The following ARHGEF3 variants were observed in gnomAD, a reference collection of about 807,000 sequenced individuals.
ARHGEF3 encodes 59.8 kDA protein.
Under a neutral mutation model 63.2 loss-of-function variants are expected in ARHGEF3, and 28 were observed. The ratio of observed to expected loss-of-function variants is 0.44; its 90% confidence interval spans 0.33 to 0.61. The LOEUF (loss-of-function observed/expected upper bound fraction) is 0.61. ARHGEF3 is among the 20% of genes least tolerant of loss of function. The pLI is 0.03. For missense variants in ARHGEF3, 533 were observed against 659.3 expected, an observed-to-expected ratio of 0.81 and a Z score of 2.10; for synonymous variants, 266 against 254.2, an observed-to-expected ratio of 1.05 and a Z score of -0.44.
At chr3:56,803,855 T>G (rs932331162), upstream of ARHGEF3, among the ~76,000 whole-genome samples, 1 of 151,668 alleles carries the variant, frequency 6.6e-6, no homozygotes, top group African/African-American at 2.4e-5. Context: ...AAATTATAGT[T>G]TTTTAAAATA....
chr3:56,801,732 G>A lies in ARHGEF3; in HGVS notation c.67C>T (p.Pro23Ser), dbSNP rs538294080. The A allele has an allele frequency of 3.2e-6, 5 of 1,567,028 alleles. No individual in the cohort carries two copies. The highest frequency in any genetic ancestry group is 4.3e-6 in the Non-Finnish European group (5 of 1,154,662). ...GCGTCCTTGGCCGGACCGCTGGCCG[G>A]GGGTAGCTCCAGGCTGCAGTTCGCT... The part of the protein sequence containing the change: ...KRANCSLELP[P>S]ASGPAKDAEE... The change falls in exon 1 of 10, where the codon CCG becomes TCG. Residue 23 changes from proline to serine, a missense_variant. By Grantham distance (74) the Pro-to-Ser change is moderately conservative. Transcript: ENST00000296315.
intron 2 of ARHGEF3, among the ~76,000 whole-genome samples, chr3:57,017,032 TCACACA>T (rs1553806980): frequency 4.8e-4 from 50 of 104,390 alleles, no homozygotes; most frequent in East Asian, 2.5e-3. Flanking sequence ...TCTCTCTCTC[TCACACA>T]CACACACACA....
intron 3 of ARHGEF3, among the ~76,000 whole-genome samples, chr3:56,909,699 C>T (rs1470972206): frequency 2.0e-5 from 3 of 152,178 alleles, no homozygotes; most frequent in African/African-American, 4.8e-5. Flanking sequence ...TTGGGATAGG[C>T]GTTCTCATCA....
intron 2 of ARHGEF3, among the ~76,000 whole-genome samples, chr3:57,019,982 TC>T (rs951303785): frequency 1.3e-5 from 2 of 152,268 alleles, no homozygotes; most frequent in Admixed American, 1.3e-4. Context: ...CACTGCAAAC[TC>T]CACCTCCCAG....
chr3:57,030,963 C>T (rs147905128), intron 2 of ARHGEF3, among the ~76,000 whole-genome samples: 215 of 152,332 alleles, frequency 1.4e-3, no homozygotes, highest in African/African-American at 4.6e-3. Flanking sequence ...AACGGAAGCA[C>T]GGCCTGTGGG....
intron 2 of ARHGEF3, among the ~76,000 whole-genome samples, chr3:57,009,402 ATGG>A (rs1462922115): frequency 6.6e-6 from 1 of 152,138 alleles, no homozygotes; most frequent in Non-Finnish European, 1.5e-5. Flanking sequence ...TCTGACCTCT[ATGG>A]GCTGTCTCGC....
At chr3:56,887,037 C>T (rs1466672703) in intron 3 of ARHGEF3, among the ~76,000 whole-genome samples, 1 of 152,194 alleles carries the variant, frequency 6.6e-6, no homozygotes. Flanking sequence ...GACTGGTCTT[C>T]AAGACCACAG....
upstream of ARHGEF3, among the ~76,000 whole-genome samples, chr3:56,806,931 A>G (rs2037882384): frequency 6.6e-6 from 1 of 151,010 alleles, no homozygotes; most frequent in Non-Finnish European, 1.5e-5. Context: ...GTTGCCTAGG[A>G]TGGAGTACAG....
At chr3:56,848,874 G>A (rs1425046162) in intron 4 of ARHGEF3, among the ~76,000 whole-genome samples, 2 of 152,086 alleles carry the variant, frequency 1.3e-5, no homozygotes, top group Non-Finnish European at 2.9e-5. Context: ...TCACCATGTT[G>A]GCCAGGCTCG....
chr3:56,904,211 T>C lies in ARHGEF3; in HGVS notation c.130-21857A>G, dbSNP rs537199987. On this transcript the variant is annotated intron_variant, in intron 3 of 12. Coordinates refer to the ARHGEF3 transcript ENST00000338458. ...TGCCCAGCTAACTTTTGTATTTTCT[T>C]TGGTAGAGATGAGATTTGCCAGGTG... is the stretch of plus-strand genomic sequence containing the variant. Among the ~76,000 whole-genome samples the C allele has an allele frequency of 1.4e-3, 211 of 151,898 alleles. 1 individual carries two copies. The highest frequency in any genetic ancestry group is 2.8e-3 in the Admixed American group (43 of 15,268).
intron 1 of ARHGEF3, among the ~76,000 whole-genome samples, chr3:56,780,360 C>G (rs1235076309): frequency 1.3e-5 from 2 of 152,164 alleles, no homozygotes; most frequent in Non-Finnish European, 2.9e-5. Context: ...TTGAAATAAT[C>G]TTAGATTTAC....
intron 4 of ARHGEF3, among the ~76,000 whole-genome samples, chr3:56,809,074 G>A (rs1315654038): frequency 6.6e-6 from 1 of 152,290 alleles, no homozygotes; most frequent in African/African-American, 2.4e-5. Flanking sequence ...GCTTAGGCTT[G>A]GTGGGGCAAA....
At chr3:56,962,845 G>A (rs1700339652) in intron 2 of ARHGEF3, among the ~76,000 whole-genome samples, 1 of 152,132 alleles carries the variant, frequency 6.6e-6, no homozygotes, top group South Asian at 2.1e-4. Flanking sequence ...AACAGAATAA[G>A]GTCAGCAGCA....
intron 1 of ARHGEF3, among the ~76,000 whole-genome samples, chr3:56,777,383 T>G (rs139759004): frequency 1.7e-3 from 260 of 152,342 alleles, no homozygotes; most frequent in African/African-American, 5.9e-3. Context: ...GAAACTGATT[T>G]GACAATTTAA....
intron 2 of ARHGEF3, among the ~76,000 whole-genome samples, chr3:56,770,511 A>G (rs1450602578): frequency 6.6e-6 from 1 of 152,192 alleles, no homozygotes; most frequent in Non-Finnish European, 1.5e-5. Context: ...GGTGAGGGAA[A>G]CTATTATTGA....
chr3:56,835,512 A>G (rs796598713), intron 4 of ARHGEF3, among the ~76,000 whole-genome samples: 52 of 152,280 alleles, frequency 3.4e-4, no homozygotes, highest in African/African-American at 1.2e-3. Context: ...GTACACCCCT[A>G]TTTCACGCAT....
chr3:56,810,213 G>C (rs928690383), intron 4 of ARHGEF3, among the ~76,000 whole-genome samples: 5 of 151,936 alleles, frequency 3.3e-5, no homozygotes, highest in African/African-American at 1.2e-4. Flanking sequence ...GTATTTTGTC[G>C]AACCTAAGAC....
intron 4 of ARHGEF3, among the ~76,000 whole-genome samples, chr3:56,827,969 A>AAAT (rs2038792801): frequency 6.7e-6 from 1 of 148,934 alleles, no homozygotes; most frequent in Non-Finnish European, 1.5e-5. Flanking sequence ...AAAAAAAAAA[A>AAAT]GGCATACCTT....
intron 3 of ARHGEF3, chr3:56,916,181 C>T (rs1261586754): frequency 7.8e-7 from 1 of 1,275,988 alleles, no homozygotes; most frequent in Non-Finnish European, 1.0e-6. Flanking sequence ...CAGCAGCTCC[C>T]TGATCAGTTT....
Sources: gnomAD v4.1 joint callset for allele counts (sites outside exome capture counted in the v4.1 genomes callset) on GRCh38, gnomAD v4.1.1 for gene constraint, MANE v1.5 for transcripts, NCBI Gene and HGNC (gene_info 2026-07-23, HGNC 2026-07-21) for gene names.